The following LHFPL3 variants were observed in gnomAD, a reference collection of about 807,000 sequenced individuals.
The protein encoded by LHFPL3 is LHFPL tetraspan subfamily member 3.
LHFPL3 carries 5 observed loss-of-function variants against 19.3 expected under a neutral mutation model. The observed-to-expected ratio is 0.26, with a 90% confidence interval of 0.14 to 0.54. The LOEUF is 0.54. Ranked by LOEUF, LHFPL3 falls within the 20% of genes least tolerant of loss-of-function variation. LHFPL3 has a pLI of 0.94. For synonymous variants in LHFPL3, 133 were observed against 126.2 expected (o/e 1.05, Z -0.36); for missense variants, 249 against 307.4 (o/e 0.81, Z 1.42).
intron 1 of LHFPL3, among the ~76,000 whole-genome samples, chr7:104,518,800 T>TAGAC (rs2115798673): frequency 1.0e-5 from 1 of 96,604 alleles, no homozygotes; most frequent in East Asian, 2.9e-4. Flanking sequence ...AAATAGATGA[T>TAGAC]AGATAGATAG....
At chr7:104,584,623 A>G (rs12705235) in intron 1 of LHFPL3, among the ~76,000 whole-genome samples, 147,685 of 152,242 alleles carry the variant, frequency 0.97, 71,772 homozygotes, top group East Asian at 1. Context: ...GTTGTTATAT[A>G]TCAAACTAGA....
chr7:104,731,136 T>C (rs1793696095), intron 1 of LHFPL3, among the ~76,000 whole-genome samples: 1 of 152,250 alleles, frequency 6.6e-6, no homozygotes, highest in Non-Finnish European at 1.5e-5. Context: ...CATGCTGTTT[T>C]GGTTACTGTA....
intron 2 of LHFPL3, among the ~76,000 whole-genome samples, chr7:104,878,480 C>A (rs1282624648): frequency 6.6e-6 from 1 of 152,084 alleles, no homozygotes; most frequent in African/African-American, 2.4e-5. Context: ...TGGGGTACTA[C>A]AAACCGCACC....
At chr7:104,870,054 A>G (rs1168888849) in intron 2 of LHFPL3, among the ~76,000 whole-genome samples, 3 of 151,746 alleles carry the variant, frequency 2.0e-5, no homozygotes, top group African/African-American at 7.3e-5. Context: ...GAACACATGG[A>G]CACAGGAAGG....
intron 2 of LHFPL3, among the ~76,000 whole-genome samples, chr7:104,889,736 CAGG>C (rs1271326491): frequency 6.6e-6 from 1 of 152,130 alleles, no homozygotes; most frequent in East Asian, 1.9e-4. Context: ...CAAAGTTTAA[CAGG>C]AGAACTCTGG....
chr7:104,434,805 A>G (rs1430743102), intron 1 of LHFPL3, among the ~76,000 whole-genome samples: 1 of 152,226 alleles, frequency 6.6e-6, no homozygotes, highest in Non-Finnish European at 1.5e-5. Flanking sequence ...TCAGAAAGCT[A>G]TTATGAAAGA....
intron 1 of LHFPL3, among the ~76,000 whole-genome samples, chr7:104,402,322 A>G (rs1357589393): frequency 2.0e-5 from 3 of 152,232 alleles, no homozygotes; most frequent in Non-Finnish European, 4.4e-5. Flanking sequence ...CCACCTACTT[A>G]AAGTAAATTT....
intron 1 of LHFPL3, among the ~76,000 whole-genome samples, chr7:104,600,295 C>A (rs1790938338): frequency 6.6e-6 from 1 of 152,204 alleles, no homozygotes; most frequent in South Asian, 2.1e-4. Flanking sequence ...CTCATCTTTT[C>A]CATTCTACAT....
Position 104,332,223 on chromosome 7 carries a change from C to CTTTT in LHFPL3, c.445+3020_445+3023dup, listed in dbSNP as rs1183733733. ...TAGAATATAAAATCCTATTTCTTTT[C>CTTTT]TTTTTTTTTTTTTTTTTTTTTTTTG... On this transcript the variant is annotated intron_variant, in intron 1 of 2. Coordinates refer to ENST00000424859, the MANE Select transcript of LHFPL3 (RefSeq NM_199000.3). 4.4e-3 allele frequency among the ~76,000 whole-genome samples: 280 copies of CTTTT among 63,910 alleles called. 3 individuals carry two copies. Among genetic ancestry groups the CTTTT allele is most frequent in the East Asian group, 7.2e-3 (13 of 1,802 alleles). 41.9% of individuals were successfully genotyped at this position (63,910 alleles called of 152,430 possible).
At chr7:104,702,248 C>T (rs897218167) in intron 1 of LHFPL3, among the ~76,000 whole-genome samples, 5 of 152,128 alleles carry the variant, frequency 3.3e-5, no homozygotes, top group East Asian at 1.9e-4. Flanking sequence ...CTTGACTCTT[C>T]GGAGGATATT....
rs200156808 is a variant in LHFPL3 at position 104,346,281 on chromosome 7, C to T, written c.445+17057C>T. On this transcript the variant is annotated intron_variant, in intron 1 of 2. Transcript: ENST00000424859. ...GAACTCCTGACCTCAAGTGATCCAC[C>T]CACCTTGGCCTCCCAAAGTGTTATT... Among the ~76,000 whole-genome samples, 6 of 151,766 alleles carry T rather than the reference C, an allele frequency of 4.0e-5. No individual in the cohort carries two copies. The East Asian group carries it at 1.2e-3, about 29-fold the overall frequency.
chr7:104,589,430 A>G (rs927746417), intron 1 of LHFPL3, among the ~76,000 whole-genome samples: 1 of 152,172 alleles, frequency 6.6e-6, no homozygotes, highest in African/African-American at 2.4e-5. Context: ...ATTTGCATAT[A>G]TTGAACCAGC....
chr7:104,541,443 G>A (rs545574210), intron 1 of LHFPL3, among the ~76,000 whole-genome samples: 1 of 152,224 alleles, frequency 6.6e-6, no homozygotes, highest in East Asian at 1.9e-4. Flanking sequence ...ACAATGAGTT[G>A]GATTCAGTAT....
chr7:104,855,423 T>C (rs1164546082), intron 2 of LHFPL3, among the ~76,000 whole-genome samples: 3 of 152,264 alleles, frequency 2.0e-5, no homozygotes, highest in Non-Finnish European at 2.9e-5. Context: ...CACATTCTTA[T>C]GTTTCACATT....
intron 2 of LHFPL3, among the ~76,000 whole-genome samples, chr7:104,891,352 G>C (rs761448405): frequency 4.0e-4 from 61 of 151,988 alleles, no homozygotes; most frequent in Non-Finnish European, 7.8e-4. Flanking sequence ...ATGGCGGAAG[G>C]GCAAGCAGGC....
intron 2 of LHFPL3, among the ~76,000 whole-genome samples, chr7:104,802,127 C>A (rs904527975): frequency 1.3e-5 from 2 of 152,052 alleles, no homozygotes; most frequent in Admixed American, 1.3e-4. Context: ...GGAACTTAAT[C>A]CCCAATGTGA....
At chr7:104,381,712 T>A (rs2116452536) in intron 1 of LHFPL3, among the ~76,000 whole-genome samples, 1 of 152,304 alleles carries the variant, frequency 6.6e-6, no homozygotes, top group South Asian at 2.1e-4. Context: ...GTGACTTCTG[T>A]TTTTATTATT....
chr7:104,348,340 G>T (rs926025550), intron 1 of LHFPL3, among the ~76,000 whole-genome samples: 3 of 152,150 alleles, frequency 2.0e-5, no homozygotes, highest in African/African-American at 7.2e-5. Flanking sequence ...CCGAGATCTC[G>T]TACTATTGCA....
intron 1 of LHFPL3, among the ~76,000 whole-genome samples, chr7:104,403,548 A>G (rs1474309125): frequency 6.6e-6 from 1 of 152,230 alleles, no homozygotes; most frequent in Non-Finnish European, 1.5e-5. Flanking sequence ...CTCCTCTTTA[A>G]TACATTACTT....
Sources: allele counts gnomAD v4.1 joint callset (sites outside exome capture counted in the v4.1 genomes callset), GRCh38; gene constraint gnomAD v4.1.1; transcripts MANE v1.5; gene names NCBI Gene and HGNC (gene_info 2026-07-23, HGNC 2026-07-21).